Variants in ADGRF3 observed in about 807,000 individuals in gnomAD.
The protein encoded by ADGRF3 is G protein-coupled receptor 113.
ADGRF3 carries 85 observed loss-of-function variants against 93.2 expected under a neutral mutation model. The observed-to-expected ratio is 0.91, with a 90% CI of 0.77 to 1.09. ADGRF3 has a LOEUF of 1.09. Ranked by LOEUF, ADGRF3 falls within the 50% of genes least tolerant of loss-of-function variation. The probability of loss-of-function intolerance (pLI) is 0.00; values close to 1 mark genes in which losing one functional copy is unlikely to be tolerated. For synonymous variants in ADGRF3, 534 were observed against 532.5 expected, an observed-to-expected ratio of 1.00 and a Z score of -0.04; for missense variants, 1,125 against 1,246.2, an observed-to-expected ratio of 0.90 and a Z score of 1.46.
At position 26,331,013 on chromosome 2, in the gene ADGRF3, T is replaced by C. The variant is rs145453228; in HGVS notation, c.115-13451A>G. 6.2e-3 allele frequency among the ~76,000 whole-genome samples: 946 copies of C among 152,324 alleles called. 8 individuals carry two copies. Among genetic ancestry groups the C allele is most frequent in the South Asian group, 0.045 (215 of 4,826 alleles). ...TGCGTCTCACAATTTTGATATGTAT[T>C]TTTATTATTTCATTCAAAATATTTT... On this transcript the variant is annotated intron_variant, in intron 1 of 13. Transcript: ENST00000651242.
intron 1 of ADGRF3, among the ~76,000 whole-genome samples, chr2:26,321,266 A>G (rs1350887412): frequency 6.6e-6 from 1 of 152,182 alleles, no homozygotes; most frequent in African/African-American, 2.4e-5. Context: ...TTCAGAAAAC[A>G]TGAAAATGGT....
Position 26,317,357 on chromosome 2 carries a change from A to T in ADGRF3, c.181+139T>A, listed in dbSNP as rs1015712459. ...AGAGAACTGGTCACAGACCTGTCCG[A>T]CTGTGATCAGAGCCAGTCCTCTCTC... On this transcript the variant is annotated intron_variant, in intron 2 of 13. Coordinates refer to ENST00000651242, the MANE Select transcript of ADGRF3 (RefSeq NM_001321971.2). The T allele has an allele frequency of 3.7e-6, 3 of 806,560 alleles. No individual in the cohort carries two copies. The South Asian group carries it at 5.2e-5, about 14-fold the overall frequency. The allele number at this position is 806,560 out of a possible 1,614,324, so 50.0% of individuals were successfully genotyped here.
At position 26,311,447 on chromosome 2, in the gene ADGRF3, G is replaced by C. The variant is rs201628356; in HGVS notation, c.2077C>G (p.Pro693Ala). ...GCGGGTTCTTCCGGAACAGTGTGTG[G>C]GGACATGAGGACGGAGAAGGCAGTG... The part of the protein sequence containing the change: ...HLTAFSVLMS[P>A]HTVPEEPALA... Residue 693 changes from proline to alanine, a missense_variant, in exon 10 of 14, where the codon CCA becomes GCA. Physicochemically the swap from Pro to Ala is conservative, Grantham distance 27. Transcript: ENST00000651242. 1.2e-6 allele frequency: 2 copies of C among 1,614,082 alleles called. No individual in the cohort carries two copies. The highest frequency in any genetic ancestry group is 2.7e-5 in the African/African-American group (2 of 75,074).
At chr2:26,327,425 G>C (rs987175360) in intron 1 of ADGRF3, among the ~76,000 whole-genome samples, 1 of 152,196 alleles carries the variant, frequency 6.6e-6, no homozygotes, top group African/African-American at 2.4e-5. Context: ...GAGCTGGATA[G>C]AGCAGCTTTC....
At chr2:26,319,893 C>A (rs953350091) in intron 1 of ADGRF3, among the ~76,000 whole-genome samples, 11 of 151,926 alleles carry the variant, frequency 7.2e-5, no homozygotes, top group African/African-American at 2.7e-4. Context: ...CTGCACTGGC[C>A]TAGAGTCTTA....
chr2:26,329,939 A>T (rs1675668624), intron 1 of ADGRF3, among the ~76,000 whole-genome samples: 1 of 152,060 alleles, frequency 6.6e-6, no homozygotes. Context: ...GTTTTTTCCC[A>T]TGTGAGTTGA....
chr2:26,310,933 G>A lies in ADGRF3; in HGVS notation c.2591C>T (p.Pro864Leu). The A allele has an allele frequency of 6.2e-7, 1 of 1,613,494 alleles. No individual in the cohort carries two copies. Among genetic ancestry groups the A allele is most frequent in the Non-Finnish European group, 8.5e-7 (1 of 1,179,674 alleles). The part of the protein sequence containing the change: ...KGGALYTFVG[P>L]VLAIIGVNGL... ...ATTCACGCCTATGATGGCCAGCACTGGCCCCACGAAGGTGTATAACGCCCC... is the reference window on the plus strand; with the variant it reads ...ATTCACGCCTATGATGGCCAGCACTAGCCCCACGAAGGTGTATAACGCCCC... The change falls in exon 10 of 14, where the codon CCA (proline) becomes CTA (leucine). Residue 864 changes from proline to leucine, a missense_variant. Transcript: ENST00000651242.
chr2:26,309,315 G>C, intron 13 of ADGRF3: 1 of 1,501,894 alleles, frequency 6.7e-7, no homozygotes. Context: ...TGGAAAGCAA[G>C]ATAAGGTGCT....
chr2:26,337,872 A>C (rs529629500), intron 1 of ADGRF3, among the ~76,000 whole-genome samples: 2 of 152,046 alleles, frequency 1.3e-5, no homozygotes, highest in Admixed American at 6.5e-5. Flanking sequence ...AAAATACAAA[A>C]ATCGGCCAGG....
At chr2:26,309,182 A>C in intron 13 of ADGRF3, 75 bp from the exon 14 acceptor site, 2 of 1,614,030 alleles carry the variant, frequency 1.2e-6, no homozygotes, top group Non-Finnish European at 1.7e-6. Flanking sequence ...CTGGATACCA[A>C]GCCCACCCAT....
In ADGRF3 at chr2:26,311,998, G is replaced by A. The variant is rs764573466; in HGVS notation, c.1526C>T (p.Pro509Leu). 5 of 1,613,342 alleles carry A rather than the reference G, an allele frequency of 3.1e-6. No homozygotes were observed. The South Asian group carries it at 5.5e-5, about 18-fold the overall frequency. The change falls in exon 10 of 14, where the codon CCC becomes CTC. Residue 509 changes from proline to leucine, a missense_variant. Pro to Leu is a moderately conservative substitution (Grantham distance 98). Coordinates refer to ENST00000651242, the MANE Select transcript of ADGRF3 (RefSeq NM_001321971.2). ...CAGCAGGAGAGTCGAGCCTGCCCAG[G>A]GCTTCCGGGCTTGGGCCAGGGTCCA... ...SLWTLAQARKPWAGSTLLLAV... is the reference protein window; with the variant it reads ...SLWTLAQARKLWAGSTLLLAV...
chr2:26,309,301 T>C, intron 13 of ADGRF3, 194 bp from the exon 14 acceptor site: 4 of 1,518,362 alleles, frequency 2.6e-6, no homozygotes, highest in Non-Finnish European at 3.5e-6. Context: ...ACTTCTTGCT[T>C]TCTTGGAAAG....
At chr2:26,332,384 G>A (rs1178950938) in intron 1 of ADGRF3, among the ~76,000 whole-genome samples, 1 of 152,168 alleles carries the variant, frequency 6.6e-6, no homozygotes, top group African/African-American at 2.4e-5. Flanking sequence ...AAAGCAGGAT[G>A]GGAAGCCAAC....
At chr2:26,314,004 A>C in intron 6 of ADGRF3, 101 bp from the exon 7 acceptor site, 1 of 1,451,048 alleles carries the variant, frequency 6.9e-7, no homozygotes, top group Non-Finnish European at 9.4e-7. Flanking sequence ...CAATTCAGAA[A>C]CAGAGGAAGC....
chr2:26,345,806 A>T (rs1455020663), intron 1 of ADGRF3: 6 of 390,752 alleles, frequency 1.5e-5, no homozygotes, highest in Non-Finnish European at 2.8e-5. Context: ...ATACCACAGA[A>T]ATCCCACCTT....
intron 12 of ADGRF3, 111 bp downstream of exon 12, chr2:26,309,932 C>A: frequency 6.2e-7 from 1 of 1,609,714 alleles, no homozygotes; most frequent in Non-Finnish European, 8.5e-7. Flanking sequence ...AAAAAACAAC[C>A]CCAATCTTCT....
In ADGRF3 at chr2:26,311,965, T is replaced by C. The variant is rs1172814005; in HGVS notation, c.1559A>G (p.Glu520Gly). 1 of 1,613,268 alleles carries C rather than the reference T, an allele frequency of 6.2e-7. No homozygotes were observed. The highest frequency in any genetic ancestry group is 8.5e-7 in the Non-Finnish European group (1 of 1,179,538). ...TGGGCACAGGCTGCATGCCAGGGTC[T>C]CCACAGCCAGCAGGAGAGTCGAGCC... ...WAGSTLLLAV[E>G]TLACSLCPQD... Residue 520 changes from glutamate (E) to glycine (G), a missense_variant, in exon 10 of 14, where the codon GAG (glutamate) becomes GGG (glycine). Transcript: ENST00000651242.
intron 1 of ADGRF3, among the ~76,000 whole-genome samples, chr2:26,330,516 T>C (rs1675704573): frequency 6.6e-6 from 1 of 152,196 alleles, no homozygotes; most frequent in Non-Finnish European, 1.5e-5. Flanking sequence ...GAGGTTTGCC[T>C]TGCCCTCTTG....
At position 26,308,918 on chromosome 2, in the gene ADGRF3, G is replaced by A. The variant is rs79182682; in HGVS notation, c.*168C>T. 73 of 834,142 alleles carry A rather than the reference G, an allele frequency of 8.8e-5. No individual in the cohort carries two copies. In the East Asian group the frequency reaches 1.8e-3, roughly 21 times the overall value. The allele number at this position is 834,142 out of a possible 1,614,324, so 51.7% of individuals were successfully genotyped here. On this transcript the variant is annotated 3_prime_UTR_variant, in exon 14 of 14. Transcript: ENST00000651242. The stretch of plus-strand genomic sequence containing the variant: ...GCTGGATACTTTAGAAATGAGAAGG[G>A]GTGAGCTGTAAGATAAATGAGTGTC...
Sources: gnomAD v4.1 joint callset for allele counts (sites outside exome capture counted in the v4.1 genomes callset) on GRCh38, gnomAD v4.1.1 for gene constraint, MANE v1.5 for transcripts, NCBI Gene and HGNC (gene_info 2026-07-23, HGNC 2026-07-21) for gene names.